The following TSHZ2 variants were observed in gnomAD, a reference collection of about 807,000 sequenced individuals.
TSHZ2 encodes the protein teashirt zinc finger homeobox 2.
TSHZ2 carries 21 observed loss-of-function variants against 74.4 expected under a neutral mutation model. The observed-to-expected ratio is 0.28, with a 90% confidence interval of 0.20 to 0.41. The LOEUF is 0.41. TSHZ2 is among the 10% of genes least tolerant of loss of function. The pLI is 1.00. For synonymous variants in TSHZ2, 540 were observed against 515.3 expected, an observed-to-expected ratio of 1.05 and a Z score of -0.65; for missense variants, 1,244 against 1,293.5, an observed-to-expected ratio of 0.96 and a Z score of 0.59.
chr20:53,185,041 T>C (rs556081802), intron 1 of TSHZ2, among the ~76,000 whole-genome samples: 1 of 152,348 alleles, frequency 6.6e-6, no homozygotes, highest in African/African-American at 2.4e-5. Context: ...AAATATCCTT[T>C]TCAGCTGGAT....
At chr20:53,100,030 G>A (rs766058047) in intron 1 of TSHZ2, among the ~76,000 whole-genome samples, 1 of 152,158 alleles carries the variant, frequency 6.6e-6, no homozygotes, top group Admixed American at 6.5e-5. Flanking sequence ...AGTGCCAGGG[G>A]CTGGGCTGAG....
chr20:53,486,719 C>T (rs945634294), intron 2 of TSHZ2, among the ~76,000 whole-genome samples: 55 of 152,236 alleles, frequency 3.6e-4, no homozygotes, highest in Non-Finnish European at 1.2e-4. Flanking sequence ...TTTTTAGATA[C>T]AGAGGGTACA....
intron 1 of TSHZ2, among the ~76,000 whole-genome samples, chr20:53,066,066 T>C (rs1420684246): frequency 6.6e-6 from 1 of 152,170 alleles, no homozygotes. Context: ...TAGAAACGTC[T>C]CAGGCCCCTT....
intron 1 of TSHZ2, among the ~76,000 whole-genome samples, chr20:53,051,453 G>GCACGCA (rs1325104056): frequency 1.9e-4 from 20 of 102,992 alleles, no homozygotes; most frequent in African/African-American, 7.8e-4. Context: ...ACTCTGTGGC[G>GCACGCA]CACGCACACA....
In TSHZ2 at chr20:53,493,867, C is replaced by A. The variant is rs375738464; in HGVS notation, c.*6732C>A. On this transcript the variant is annotated 3_prime_UTR_variant, in exon 3 of 3. Transcript: ENST00000371497. ...TTCTTCCCTTGGCTGACCCCAATTT[C>A]TTTTACTCCCCATTATCCTGAATAT... The A allele has an allele frequency of 1.3e-5, 2 of 152,328 alleles. No individual in the cohort carries two copies. The highest frequency in any genetic ancestry group is 2.1e-4 in the South Asian group (1 of 4,828). The allele number at this position is 152,328 out of a possible 1,614,324, so 9.4% of individuals were successfully genotyped here. A position where few individuals can be genotyped will look rare whatever the true frequency, so the allele number is the denominator to read the frequency against.
At chr20:53,030,303 G>A (rs903121409) in intron 1 of TSHZ2, among the ~76,000 whole-genome samples, 59 of 151,050 alleles carry the variant, frequency 3.9e-4, no homozygotes, top group Non-Finnish European at 6.8e-4. Flanking sequence ...ATTCACAGAC[G>A]ACACTATTCT....
At chr20:53,147,951 C>A (rs1034877452) in intron 1 of TSHZ2, among the ~76,000 whole-genome samples, 2 of 152,054 alleles carry the variant, frequency 1.3e-5, no homozygotes, top group Non-Finnish European at 2.9e-5. Context: ...CCTGACCTTG[C>A]GATCTGCCCG....
At chr20:53,188,456 C>T (rs552723150) in intron 1 of TSHZ2, among the ~76,000 whole-genome samples, 1 of 152,216 alleles carries the variant, frequency 6.6e-6, no homozygotes, top group Non-Finnish European at 1.5e-5. Flanking sequence ...CTGCTCTTCA[C>T]TTTGATTTCT....
At chr20:53,176,789 C>T (rs940195177) in intron 1 of TSHZ2, among the ~76,000 whole-genome samples, 4 of 151,286 alleles carry the variant, frequency 2.6e-5, no homozygotes, top group Non-Finnish European at 4.4e-5. Context: ...TGAGTTCAAG[C>T]GATCCTCCTA....
chr20:53,196,023 C>G (rs918310897), intron 1 of TSHZ2, among the ~76,000 whole-genome samples: 2 of 152,246 alleles, frequency 1.3e-5, no homozygotes, highest in East Asian at 3.9e-4. Context: ...GGGCCAGTCT[C>G]GGCTTCTGCG....
intron 2 of TSHZ2, among the ~76,000 whole-genome samples, chr20:53,369,003 T>C (rs1161207700): frequency 1.3e-5 from 2 of 152,338 alleles, no homozygotes; most frequent in Admixed American, 1.3e-4. Flanking sequence ...GGCTCATGCC[T>C]GTAATCCCAG....
At chr20:53,151,410 T>G (rs1987674575) in intron 1 of TSHZ2, among the ~76,000 whole-genome samples, 1 of 152,190 alleles carries the variant, frequency 6.6e-6, no homozygotes, top group Non-Finnish European at 1.5e-5. Context: ...TTTATACAAA[T>G]CTACAAATTC....
At chr20:52,973,401 T>G in intron 1 of TSHZ2, 68 bp downstream of exon 1, 1 of 1,536,354 alleles carries the variant, frequency 6.5e-7, no homozygotes, top group Non-Finnish European at 8.8e-7. Flanking sequence ...TCCTTGCCCC[T>G]GGGTGCCCGG....
At chr20:53,299,273 A>G (rs907930330) in intron 2 of TSHZ2, among the ~76,000 whole-genome samples, 3 of 152,238 alleles carry the variant, frequency 2.0e-5, no homozygotes, top group African/African-American at 7.2e-5. Flanking sequence ...TAATTCATCA[A>G]TTAGTTGAAA....
Position 53,256,196 on chromosome 20 carries a change from C to T in TSHZ2, c.2738C>T (p.Thr913Ile), listed in dbSNP as rs547130039. The T allele has an allele frequency of 6.2e-7, 1 of 1,612,674 alleles. No individual in the cohort carries two copies. Among genetic ancestry groups the T allele is most frequent in the African/African-American group, 1.3e-5 (1 of 74,998 alleles). The change falls in exon 2 of 3, where the codon ACA (threonine) becomes ATA (isoleucine). Residue 913 changes from threonine (T) to isoleucine (I), a missense_variant. This residue lies in a region of TSHZ2 where 185 missense variants were observed against 213.3 expected (regional missense o/e 0.87). Transcript: ENST00000371497. The surrounding 1 kb of genome is among the most constrained non-coding windows in gnomAD (Gnocchi z 4.3). The part of the protein sequence containing the change: ...VKYQLRKTGG[T>I]KFLKNMDKGH... ...TACCAGCTTAGGAAAACGGGCGGGACAAAATTTCTGAAAAACATGGACAAA... is the reference window on the plus strand; with the variant it reads ...TACCAGCTTAGGAAAACGGGCGGGATAAAATTTCTGAAAAACATGGACAAA...
intron 1 of TSHZ2, among the ~76,000 whole-genome samples, chr20:53,232,179 T>A (rs1200563627): frequency 6.6e-6 from 1 of 152,184 alleles, no homozygotes. Context: ...CATGAGCCAC[T>A]GCACCTGGCC....
At chr20:53,409,420 C>T (rs1441765720) in intron 2 of TSHZ2, among the ~76,000 whole-genome samples, 4 of 151,890 alleles carry the variant, frequency 2.6e-5, no homozygotes, top group Admixed American at 6.6e-5. Flanking sequence ...CTTGTTTTGG[C>T]ATTGTGCCCT....
At chr20:53,338,632 C>T (rs1980053363) in intron 2 of TSHZ2, among the ~76,000 whole-genome samples, 2 of 152,210 alleles carry the variant, frequency 1.3e-5, no homozygotes, top group Non-Finnish European at 2.9e-5. Flanking sequence ...ACCAGGGAAG[C>T]TGTGGAATGT....
intron 1 of TSHZ2, among the ~76,000 whole-genome samples, chr20:53,152,369 G>A (rs562071160): frequency 1.3e-5 from 2 of 152,146 alleles, no homozygotes; most frequent in South Asian, 4.2e-4. Flanking sequence ...CTTTAACCCT[G>A]ACCTTCACCC....
Sources: gnomAD v4.1 joint callset for allele counts (sites outside exome capture counted in the v4.1 genomes callset) on GRCh38, gnomAD v4.1.1 for gene constraint, gnomAD v4.1.1 regional missense constraint, Gnocchi (gnomAD v3.1) non-coding constraint, MANE v1.5 for transcripts, NCBI Gene and HGNC (gene_info 2026-07-23, HGNC 2026-07-21) for gene names.